The following PPP3CA variants were observed in gnomAD, a reference collection of about 807,000 sequenced individuals.
The protein encoded by PPP3CA is CAM-PRP catalytic subunit.
Under a neutral mutation model 66.5 loss-of-function variants are expected in PPP3CA, and 14 were observed. That is an observed-to-expected ratio of 0.21 (90% CI 0.14 to 0.33). The LOEUF is 0.33. Among genes scored for constraint, PPP3CA ranks in the 10% least tolerant of loss-of-function variants. PPP3CA has a pLI of 1.00. For synonymous variants in PPP3CA, 232 were observed against 226.2 expected, an observed-to-expected ratio of 1.03 and a Z score of -0.23; for missense variants, 317 against 639.5, an observed-to-expected ratio of 0.50 and a Z score of 5.44.
intron 1 of PPP3CA, among the ~76,000 whole-genome samples, chr4:101,216,667 A>C (rs1171111854): frequency 6.6e-6 from 1 of 152,012 alleles, no homozygotes; most frequent in Non-Finnish European, 1.5e-5. Flanking sequence ...CCTCCTGAGT[A>C]GCTGGGACTA....
At position 101,195,902 on chromosome 4, in the gene PPP3CA, T is replaced by A. The variant is rs1199219514; in HGVS notation, c.259+14A>T. 1.2e-6 allele frequency: 2 copies of A among 1,609,792 alleles called. No individual in the cohort carries two copies. Among genetic ancestry groups the A allele is most frequent in the Non-Finnish European group, 1.7e-6 (2 of 1,177,748 alleles). On this transcript the variant is annotated intron_variant, in intron 2 of 13. Transcript: ENST00000394854. ...TGTGTATACAAGTGGGCAACCTCCC[T>A]CCTCAGGACTTACCAGTGACTGGCG...
intron 12 of PPP3CA, among the ~76,000 whole-genome samples, chr4:101,030,831 C>T (rs1468429654): frequency 2.0e-5 from 3 of 152,138 alleles, no homozygotes; most frequent in Middle Eastern, 6.8e-3. Context: ...ACTTGCTGTG[C>T]CTTAAAATGT....
At chr4:101,069,069 C>T (rs1326185773) in intron 8 of PPP3CA, among the ~76,000 whole-genome samples, 2 of 152,018 alleles carry the variant, frequency 1.3e-5, no homozygotes, top group Non-Finnish European at 2.9e-5. Flanking sequence ...GGGTCTTGCT[C>T]TGTTGCTCAG....
Position 101,339,912 on chromosome 4 carries a change from A to G in PPP3CA, c.58+6827T>C, listed in dbSNP as rs555390842. Among the ~76,000 whole-genome samples, 12 of 152,356 alleles carry G rather than the reference A, an allele frequency of 7.9e-5. No individual in the cohort carries two copies. The East Asian group carries it at 2.3e-3, about 29-fold the overall frequency. The stretch of plus-strand genomic sequence containing the variant: ...ACATAGAAAGAACTGGACATTTTAA[A>G]TAAAAACTACTACTAATTCTTCCCC... On this transcript the variant is annotated intron_variant, in intron 1 of 13. Coordinates refer to ENST00000394854, the MANE Select transcript of PPP3CA (RefSeq NM_000944.5).
At chr4:101,044,243 A>G (rs1440058078) in intron 10 of PPP3CA, among the ~76,000 whole-genome samples, 3 of 152,172 alleles carry the variant, frequency 2.0e-5, no homozygotes, top group Non-Finnish European at 2.9e-5. Flanking sequence ...TTTTCCAGAG[A>G]TCATTAAAAC....
chr4:101,028,309 T>TTTGA (rs1726763381), intron 13 of PPP3CA, among the ~76,000 whole-genome samples: 1 of 152,200 alleles, frequency 6.6e-6, no homozygotes, highest in South Asian at 2.1e-4. Flanking sequence ...TAAAAACTAT[T>TTTGA]TTGATATGCA....
At chr4:101,208,609 T>C (rs537559300) in intron 1 of PPP3CA, among the ~76,000 whole-genome samples, 11 of 152,344 alleles carry the variant, frequency 7.2e-5, no homozygotes, top group Admixed American at 6.5e-5. Flanking sequence ...TACAGATTAC[T>C]AGACAATACT....
chr4:101,062,184 C>T (rs563003682), intron 9 of PPP3CA, among the ~76,000 whole-genome samples: 1 of 152,142 alleles, frequency 6.6e-6, no homozygotes, highest in East Asian at 1.9e-4. Flanking sequence ...CTTCTGTTTC[C>T]AGCGAAGCCA....
intron 10 of PPP3CA, among the ~76,000 whole-genome samples, chr4:101,049,345 T>C (rs1190868998): frequency 6.6e-6 from 1 of 152,036 alleles, no homozygotes; most frequent in African/African-American, 2.4e-5. Flanking sequence ...ACAGAGGATA[T>C]TGCTCCCCCT....
At chr4:101,282,884 C>T (rs1727730358) in intron 1 of PPP3CA, among the ~76,000 whole-genome samples, 1 of 152,160 alleles carries the variant, frequency 6.6e-6, no homozygotes, top group African/African-American at 2.4e-5. Context: ...TGAAATCTAA[C>T]TTTGATAAAA....
At chr4:101,308,615 T>G (rs1728621901) in intron 1 of PPP3CA, among the ~76,000 whole-genome samples, 3 of 152,136 alleles carry the variant, frequency 2.0e-5, no homozygotes, top group South Asian at 4.1e-4. Context: ...CCAGCTAACT[T>G]TTTAACTTTT....
At chr4:101,233,246 G>T (rs1404953088) in intron 1 of PPP3CA, among the ~76,000 whole-genome samples, 1 of 151,724 alleles carries the variant, frequency 6.6e-6, no homozygotes, top group Non-Finnish European at 1.5e-5. Flanking sequence ...CATTAGAGTG[G>T]CCAACCATCC....
chr4:101,032,044 G>A (rs916116947), intron 12 of PPP3CA, among the ~76,000 whole-genome samples: 2 of 152,210 alleles, frequency 1.3e-5, no homozygotes, highest in African/African-American at 4.8e-5. Context: ...ACATGTGAAT[G>A]AGGGAATGGG....
chr4:101,157,360 C>T (rs934381698), intron 2 of PPP3CA, among the ~76,000 whole-genome samples: 2 of 152,022 alleles, frequency 1.3e-5, no homozygotes, highest in African/African-American at 2.4e-5. Flanking sequence ...ATACTTTCAC[C>T]TTCCAGGCAT....
chr4:101,298,596 T>G (rs1170880354), intron 1 of PPP3CA, among the ~76,000 whole-genome samples: 1 of 152,114 alleles, frequency 6.6e-6, no homozygotes, highest in Non-Finnish European at 1.5e-5. Flanking sequence ...CATAGTAATT[T>G]TCTCTTCCTT....
At chr4:101,176,403 C>A (rs956798677) in intron 2 of PPP3CA, among the ~76,000 whole-genome samples, 5 of 152,044 alleles carry the variant, frequency 3.3e-5, no homozygotes, top group African/African-American at 1.2e-4. Flanking sequence ...AGATGACAAA[C>A]AAAGAAGGGT....
intron 1 of PPP3CA, among the ~76,000 whole-genome samples, chr4:101,247,578 G>A (rs1217843667): frequency 2.0e-5 from 3 of 152,050 alleles, no homozygotes; most frequent in Admixed American, 6.6e-5. Flanking sequence ...TATTTACCAT[G>A]AGCAAAGAAT....
chr4:101,052,377 A>G (rs1352533257), intron 10 of PPP3CA, among the ~76,000 whole-genome samples: 1 of 152,064 alleles, frequency 6.6e-6, no homozygotes, highest in Non-Finnish European at 1.5e-5. Context: ...GACATCTTTT[A>G]GTTTTAATGA....
chr4:101,196,180 AC>A, intron 1 of PPP3CA, 64 bp from the exon 2 acceptor site: 1 of 1,432,474 alleles, frequency 7.0e-7, no homozygotes, highest in Non-Finnish European at 9.6e-7. Context: ...TGCAATAATA[AC>A]CACCAAATAT....
Sources: allele counts gnomAD v4.1 joint callset (sites outside exome capture counted in the v4.1 genomes callset), GRCh38; gene constraint gnomAD v4.1.1; transcripts MANE v1.5; gene names NCBI Gene and HGNC (gene_info 2026-07-23, HGNC 2026-07-21).